The following SIX6 variants were observed in gnomAD, a reference collection of about 807,000 sequenced individuals.
The protein encoded by SIX6 is homeobox protein SIX6.
SIX6 carries 14 observed loss-of-function variants against 23.6 expected under a neutral mutation model. That is an observed-to-expected ratio of 0.59 (90% CI 0.39 to 0.93). The LOEUF (loss-of-function observed/expected upper bound fraction) is 0.93, where lower values mean the gene tolerates loss of function less well. Among genes scored for constraint, SIX6 ranks in the 40% least tolerant of loss-of-function variants. SIX6 has a pLI of 0.00. For synonymous variants in SIX6, 128 were observed against 144.9 expected, an observed-to-expected ratio of 0.88 and a Z score of 0.84; for missense variants, 307 against 325.6, an observed-to-expected ratio of 0.94 and a Z score of 0.44.
Position 60,511,220 on chromosome 14 carries a change from A to G in SIX6, c.709A>G (p.Ile237Val), listed in dbSNP as rs1893289437. The G allele has an allele frequency of 6.2e-7, 1 of 1,613,342 alleles. No individual in the cohort carries two copies. Among genetic ancestry groups the G allele is most frequent in the African/African-American group, 1.3e-5 (1 of 75,064 alleles). Residue 237 changes from isoleucine (I) to valine (V), a missense_variant, in exon 2 of 2, where the codon ATC (isoleucine) becomes GTC (valine). Transcript: ENST00000327720. ...SSKAATSAIS[I>V]TSSDSECDI ...CAAGGCGGCCACTTCAGCCATCTCC[A>G]TCACGTCCAGCGACAGCGAGTGCGA...
chr14:60,509,730 A>C lies in SIX6; in HGVS notation c.332A>C (p.Asp111Ala). The C allele has an allele frequency of 1.2e-6, 2 of 1,614,038 alleles. No individual in the cohort carries two copies. Among genetic ancestry groups the C allele is most frequent in the Non-Finnish European group, 1.7e-6 (2 of 1,179,918 alleles). The change falls in exon 1 of 2, where the codon GAC becomes GCC. Residue 111 changes from aspartate to alanine, a missense_variant. Physicochemically the swap from Asp to Ala is moderately radical, Grantham distance 126. Transcript: ENST00000327720. ...KLRGRPLGPVDKYRVRKKFPL... is the reference protein window; with the variant it reads ...KLRGRPLGPVAKYRVRKKFPL... ...CGTGGAAGACCCCTGGGACCTGTGG[A>C]CAAGTACCGAGTAAGGAAGAAGTTC...
Position 60,509,982 on chromosome 14 carries a change from G to C in SIX6, c.572+12G>C, listed in dbSNP as rs1594631633. On this transcript the variant is annotated intron_variant, in intron 1 of 1. Coordinates refer to ENST00000327720, the MANE Select transcript of SIX6 (RefSeq NM_007374.3). ...GCAGCCAAGAACAGGTCGGTACCTA[G>C]AGGCCTCCGCGCTTTGAGCGCACCG... 1 of 1,589,016 alleles carries C rather than the reference G, an allele frequency of 6.3e-7. No individual in the cohort carries two copies. The highest frequency in any genetic ancestry group is 8.6e-7 in the Non-Finnish European group (1 of 1,166,498).
In SIX6 at chr14:60,509,965, G is replaced by T; in HGVS notation, c.567G>T (p.Lys189Asn). ...AAAGGGACCGAGCGGCTGCAGCCAAGAACAGGTCGGTACCTAGAGGCCTCC... is the reference window on the plus strand; with the variant it reads ...AAAGGGACCGAGCGGCTGCAGCCAATAACAGGTCGGTACCTAGAGGCCTCC... The part of the protein sequence containing the change: ...RRQRDRAAAA[K>N]NRLQQQVLSQ... Residue 189 changes from lysine to asparagine, a missense_variant, in exon 1 of 2, where the codon AAG (lysine) becomes AAT (asparagine). Transcript: ENST00000327720. The T allele has an allele frequency of 1.9e-6, 3 of 1,600,572 alleles. No individual in the cohort carries two copies. Among genetic ancestry groups the T allele is most frequent in the Non-Finnish European group, 2.6e-6 (3 of 1,172,868 alleles).
Position 60,512,508 on chromosome 14 carries a change from T to C in SIX6, c.*1256T>C, listed in dbSNP as rs1328137333. Reference sequence around the variant, plus strand: ...GAATGGTTTTTAACAAGAGGGATACTGAGATGGGGGAAAGGATGTAATCAT... The same window carrying C: ...GAATGGTTTTTAACAAGAGGGATACCGAGATGGGGGAAAGGATGTAATCAT... On this transcript the variant is annotated 3_prime_UTR_variant, in exon 2 of 2. Transcript: ENST00000327720. 1 of 152,200 alleles carries C rather than the reference T, an allele frequency of 6.6e-6. No individual in the cohort carries two copies. The highest frequency in any genetic ancestry group is 1.5e-5 in the Non-Finnish European group (1 of 68,032). 9.4% of individuals were successfully genotyped at this position (152,200 alleles called of 1,614,324 possible).
At position 60,509,415 on chromosome 14, in the gene SIX6, T is replaced by C. The variant is rs199904203; in HGVS notation, c.17T>C (p.Ile6Thr). Residue 6 changes from isoleucine (I) to threonine (T), a missense_variant, in exon 1 of 2, where the codon ATC becomes ACC. Physicochemically the swap from Ile to Thr is moderately conservative, Grantham distance 89. Coordinates refer to ENST00000327720, the MANE Select transcript of SIX6 (RefSeq NM_007374.3). MFQLP[I>T]LNFSPQQVAG... ...ACTGCCTCGATGTTCCAGCTGCCCA[T>C]CTTGAATTTCAGCCCCCAGCAAGTG... The C allele has an allele frequency of 3.1e-6, 5 of 1,599,476 alleles. No homozygotes were observed. In the East Asian group the frequency reaches 1.1e-4, roughly 36 times the overall value.
At position 60,509,363 on chromosome 14, in the gene SIX6, G is replaced by A. The variant is rs1340731950; in HGVS notation, c.-36G>A. 2 of 1,579,178 alleles carry A rather than the reference G, an allele frequency of 1.3e-6. No individual in the cohort carries two copies. Among genetic ancestry groups the A allele is most frequent in the South Asian group, 2.2e-5 (2 of 90,630 alleles). Reference sequence around the variant, plus strand: ...GGGCATCTGCTGCGTGTCCCGCTCCGGGCTCAGTGCCCTCGCCGCCGCCGG... The same window carrying A: ...GGGCATCTGCTGCGTGTCCCGCTCCAGGCTCAGTGCCCTCGCCGCCGCCGG... On this transcript the variant is annotated 5_prime_UTR_variant, in exon 1 of 2. Transcript: ENST00000327720.
chr14:60,511,393 GT>G lies in SIX6; in HGVS notation c.*144del. On this transcript the variant is annotated 3_prime_UTR_variant, in exon 2 of 2. Transcript: ENST00000327720. ...CAGGGACCCGCGGGCTCGGGTTGCCGTTTCCCGCCCCACCCCGCGGCCGGCC... is the reference window on the plus strand; with the variant it reads ...CAGGGACCCGCGGGCTCGGGTTGCCGTTCCCGCCCCACCCCGCGGCCGGCC... 2 of 1,037,936 alleles carry G rather than the reference GT, an allele frequency of 1.9e-6. No individual in the cohort carries two copies. Among genetic ancestry groups the G allele is most frequent in the Non-Finnish European group, 2.9e-6 (2 of 688,126 alleles). 64.3% of individuals were successfully genotyped at this position (1,037,936 alleles called of 1,614,324 possible). A position where few individuals can be genotyped will look rare whatever the true frequency, so the allele number is the denominator to read the frequency against.
chr14:60,511,043 G>T (rs1566691495), intron 1 of SIX6, 41 bp from the exon 2 acceptor site: 36 of 1,602,336 alleles, frequency 2.2e-5, no homozygotes, highest in Non-Finnish European at 3.1e-5. Context: ...ACGGGCGGCT[G>T]TGTTACGAGC....
intron 1 of SIX6, among the ~76,000 whole-genome samples, chr14:60,510,603 A>G (rs1023677141): frequency 6.6e-6 from 1 of 152,054 alleles, no homozygotes; most frequent in African/African-American, 2.4e-5. Context: ...CCCAGGCCCA[A>G]ATGCTCCTTA....
At chr14:60,510,081 A>G in intron 1 of SIX6, 111 bp downstream of exon 1, 1 of 989,862 alleles carries the variant, frequency 1.0e-6, no homozygotes. Context: ...AGGAGTTGGG[A>G]GCGCGGTCTG....
chr14:60,510,115 C>T, intron 1 of SIX6, 145 bp downstream of exon 1: 1 of 731,354 alleles, frequency 1.4e-6, no homozygotes, highest in Admixed American at 2.4e-5. Flanking sequence ...GCCCTGCGTT[C>T]TGGGCTCCTG....
rs1202249597 is a variant in SIX6, at chr14:60,509,381, G to C, written c.-18G>C. ...CCGCTCCGGGCTCAGTGCCCTCGCC[G>C]CCGCCGGCACTGCCTCGATGTTCCA... is the stretch of plus-strand genomic sequence containing the variant. On this transcript the variant is annotated 5_prime_UTR_variant, in exon 1 of 2. Coordinates refer to ENST00000327720, the MANE Select transcript of SIX6 (RefSeq NM_007374.3). The C allele has an allele frequency of 1.9e-6, 3 of 1,598,136 alleles. No homozygotes were observed. Among genetic ancestry groups the C allele is most frequent in the Middle Eastern group, 1.7e-4 (1 of 6,058 alleles).
At position 60,511,329 on chromosome 14, in the gene SIX6, G is replaced by A. The variant is rs1893291348; in HGVS notation, c.*77G>A. ...ACAAAATGAAAGAGGGGAAGAAGAT[G>A]AGAGACCTGCAAATCCAGCGCCACA... On this transcript the variant is annotated 3_prime_UTR_variant, in exon 2 of 2. Transcript: ENST00000327720. 6.6e-7 allele frequency: 1 copy of A among 1,509,056 alleles called. No individual in the cohort carries two copies. Among genetic ancestry groups the A allele is most frequent in the East Asian group, 2.3e-5 (1 of 44,298 alleles). 93.5% of individuals were successfully genotyped at this position (1,509,056 alleles called of 1,614,324 possible). A position where few individuals can be genotyped will look rare whatever the true frequency, so the allele number is the denominator to read the frequency against.
intron 1 of SIX6, 90 bp from the exon 2 acceptor site, chr14:60,510,994 G>C: frequency 7.3e-7 from 1 of 1,365,048 alleles, no homozygotes; most frequent in South Asian, 1.2e-5. Context: ...ACCTCTAGCC[G>C]CCGGGCTGGA....
In SIX6 at chr14:60,509,658, T is replaced by C; in HGVS notation, c.260T>C (p.Leu87Pro). The C allele has an allele frequency of 6.2e-7, 1 of 1,613,988 alleles. No homozygotes were observed. ...HKFTKESHAK[L>P]QALWLEAHYQ... ...TTCACCAAGGAGTCGCACGCCAAGC[T>C]GCAGGCGCTGTGGCTTGAAGCACAC... is the stretch of plus-strand genomic sequence containing the variant. Residue 87 changes from leucine (L) to proline (P), a missense_variant, in exon 1 of 2, where the codon CTG becomes CCG. Physicochemically the swap from Leu to Pro is moderately conservative, Grantham distance 98. Coordinates refer to ENST00000327720, the MANE Select transcript of SIX6 (RefSeq NM_007374.3).
Position 60,511,509 on chromosome 14 carries a change from A to G in SIX6, c.*257A>G. 1.7e-6 allele frequency: 1 copy of G among 586,768 alleles called. No homozygotes were observed. Among genetic ancestry groups the G allele is most frequent in the Non-Finnish European group, 3.0e-6 (1 of 329,486 alleles). The allele number at this position is 586,768 out of a possible 1,614,324, so 36.3% of individuals were successfully genotyped here. On this transcript the variant is annotated 3_prime_UTR_variant, in exon 2 of 2. Coordinates refer to ENST00000327720, the MANE Select transcript of SIX6 (RefSeq NM_007374.3). Reference sequence around the variant, plus strand: ...CGTTCTTCTTGCTTTGCTTTTTCCTAAGGATTTTGCTGCAAAGTCTCCTTC... The same window carrying G: ...CGTTCTTCTTGCTTTGCTTTTTCCTGAGGATTTTGCTGCAAAGTCTCCTTC...
rs757769585 is a variant in SIX6, at chr14:60,509,830, C to A, written c.432C>A (p.Arg144=). 2 of 1,613,870 alleles carry A rather than the reference C, an allele frequency of 1.2e-6. No individual in the cohort carries two copies. Among genetic ancestry groups the A allele is most frequent in the East Asian group, 2.2e-5 (1 of 44,874 alleles). ...CFKERTRHLL[R]EWYLQDPYPN... is the part of the protein sequence containing the mutation. ...AGGAGCGCACGCGGCACCTGCTACGCGAGTGGTACCTGCAGGATCCATACC... is the reference window on the plus strand; with the variant it reads ...AGGAGCGCACGCGGCACCTGCTACGAGAGTGGTACCTGCAGGATCCATACC... Residue 144 remains arginine, a synonymous_variant, in exon 1 of 2, where the codon CGC becomes CGA. Coordinates refer to ENST00000327720, the MANE Select transcript of SIX6 (RefSeq NM_007374.3).
intron 1 of SIX6, among the ~76,000 whole-genome samples, chr14:60,510,490 C>G (rs2140188793): frequency 6.6e-6 from 1 of 152,358 alleles, no homozygotes; most frequent in Middle Eastern, 3.4e-3. Context: ...GCCTGCCACT[C>G]TTGTCTCAAA....
chr14:60,509,745 G>A lies in SIX6; in HGVS notation c.347G>A (p.Arg116Lys), dbSNP rs746044192. The change falls in exon 1 of 2, where the codon AGG becomes AAG. Residue 116 changes from arginine (R) to lysine (K), a missense_variant. Transcript: ENST00000327720. ...GGACCTGTGGACAAGTACCGAGTAA[G>A]GAAGAAGTTCCCGCTGCCGCGCACC... is the stretch of plus-strand genomic sequence containing the variant. ...PLGPVDKYRV[R>K]KKFPLPRTIW... 1.2e-6 allele frequency: 2 copies of A among 1,613,316 alleles called. No homozygotes were observed. Among genetic ancestry groups the A allele is most frequent in the Non-Finnish European group, 8.5e-7 (1 of 1,179,460 alleles).
Sources: gnomAD v4.1 joint callset for allele counts (sites outside exome capture counted in the v4.1 genomes callset) on GRCh38, gnomAD v4.1.1 for gene constraint, MANE v1.5 for transcripts, NCBI Gene and HGNC (gene_info 2026-07-23, HGNC 2026-07-21) for gene names.